DDX43: variants seen among roughly 807,000 people sequenced by gnomAD.
DDX43 encodes the protein DEAD-box helicase 43, also known as probable ATP-dependent RNA helicase DDX43.
Under a neutral mutation model 84.9 loss-of-function variants are expected in DDX43, and 50 were observed. That is an observed-to-expected ratio of 0.59 (90% CI 0.47 to 0.75). DDX43 has a LOEUF of 0.75. Among genes scored for constraint, DDX43 ranks in the 30% least tolerant of loss-of-function variants. The pLI is 0.00. For missense variants in DDX43, 689 were observed against 798.6 expected (o/e 0.86, Z 1.65); for synonymous variants, 291 against 266.3 (o/e 1.09, Z -0.90).
intron 10 of DDX43, among the ~76,000 whole-genome samples, chr6:73,411,175 C>CAAAAA (rs34679802): frequency 1.2e-4 from 6 of 49,296 alleles, no homozygotes; most frequent in African/African-American, 1.3e-4. Context: ...GACTCCATCT[C>CAAAAA]AAAAAAAAAA....
intron 5 of DDX43, among the ~76,000 whole-genome samples, chr6:73,405,313 C>T (rs1003024205): frequency 6.6e-6 from 1 of 152,102 alleles, no homozygotes; most frequent in Non-Finnish European, 1.5e-5. Flanking sequence ...AGAATACTTC[C>T]TAACACATAG....
chr6:73,412,719 GATATAT>G (rs1243836842), intron 11 of DDX43, among the ~76,000 whole-genome samples: 1 of 96,486 alleles, frequency 1.0e-5, no homozygotes, highest in African/African-American at 3.6e-5. Flanking sequence ...ATGTGCAAGT[GATATAT>G]AGCGTGTGTG....
chr6:73,398,000 C>CG (rs1769504812), intron 2 of DDX43: 1 of 277,576 alleles, frequency 3.6e-6, no homozygotes, highest in Non-Finnish European at 6.7e-6. Flanking sequence ...TTAGTAGAGA[C>CG]GGGGTTTTAC....
Position 73,395,141 on chromosome 6 carries a change from T to C in DDX43, c.236T>C (p.Val79Ala). The C allele has an allele frequency of 1.9e-6, 3 of 1,612,952 alleles. No homozygotes were observed. The highest frequency in any genetic ancestry group is 2.5e-6 in the Non-Finnish European group (3 of 1,179,438). Residue 79 changes from valine to alanine, a missense_variant, in exon 1 of 17, where the codon GTT becomes GCT. Coordinates refer to ENST00000370336, the MANE Select transcript of DDX43 (RefSeq NM_018665.3). The part of the protein sequence containing the change: ...PLCFALKSHF[V>A]GAVIGRGGSK... Reference sequence around the variant, plus strand: ...TGTTTTGCTTTGAAGAGCCACTTTGTTGGCGCGGTAATCGGTGAGAATGGG... The same window carrying C: ...TGTTTTGCTTTGAAGAGCCACTTTGCTGGCGCGGTAATCGGTGAGAATGGG...
Position 73,412,345 on chromosome 6 carries a change from A to T in DDX43, c.1368+53A>T. 2.0e-6 allele frequency: 3 copies of T among 1,523,176 alleles called. No individual in the cohort carries two copies. In the South Asian group the frequency reaches 3.5e-5, roughly 18 times the overall value. The allele number at this position is 1,523,176 out of a possible 1,614,324, so 94.4% of individuals were successfully genotyped here. ...AACATTTCTTATGAAAATTCTGAAG[A>T]TAGCTAATTTTGGTGTGCCTAGTCT... On this transcript the variant is annotated intron_variant, in intron 11 of 16. Transcript: ENST00000370336.
intron 4 of DDX43, 138 bp downstream of exon 4, chr6:73,402,128 C>A (rs917397405): frequency 1.9e-6 from 2 of 1,077,558 alleles, no homozygotes; most frequent in Non-Finnish European, 2.7e-6. Context: ...CAATTAGTCC[C>A]TAGGTTATGA....
In DDX43 at chr6:73,411,268, A is replaced by G. The variant is rs1464182293; in HGVS notation, c.1281-937A>G. Among the ~76,000 whole-genome samples the G allele has an allele frequency of 2.7e-5, 4 of 149,202 alleles. No individual in the cohort carries two copies. The East Asian group carries it at 7.9e-4, about 29-fold the overall frequency. ...AAAAATTGGAATTTTTTTGTCGTTT[A>G]TAAAGGCCAGGAGATAAAATTAACC... On this transcript the variant is annotated intron_variant, in intron 10 of 16. Transcript: ENST00000370336.
At chr6:73,406,542 A>AT (rs1769687786) in intron 7 of DDX43, 60 bp downstream of exon 7, 9 of 1,096,724 alleles carry the variant, frequency 8.2e-6, no homozygotes, top group Admixed American at 2.0e-5. Flanking sequence ...GATATCAAAA[A>AT]TGTAATTAAA....
In DDX43 at chr6:73,407,949, T is replaced by G; in HGVS notation, c.1038-11T>G. 1 of 1,606,306 alleles carries G rather than the reference T, an allele frequency of 6.2e-7. No homozygotes were observed. The highest frequency in any genetic ancestry group is 8.5e-7 in the Non-Finnish European group (1 of 1,176,384). ...GCCTAAACATTAACCTTTAGATTTT[T>G]TCTTTTTAAGTGTTTGTGTATATGG... On this transcript the variant is annotated splice_polypyrimidine_tract_variant and intron_variant, in intron 8 of 16. Transcript: ENST00000370336.
intron 7 of DDX43, 75 bp downstream of exon 7, chr6:73,406,557 C>A: frequency 1.1e-6 from 1 of 933,686 alleles, no homozygotes; most frequent in Non-Finnish European, 1.7e-6. Flanking sequence ...ATTAAAGTTT[C>A]TTTACCTATT....
Position 73,395,003 on chromosome 6 carries a change from A to C in DDX43, c.98A>C (p.Glu33Ala). 1 of 1,614,210 alleles carries C rather than the reference A, an allele frequency of 6.2e-7. No individual in the cohort carries two copies. The highest frequency in any genetic ancestry group is 8.5e-7 in the Non-Finnish European group (1 of 1,180,008). ...CGAGCGCCAGAGAGGAGGCCGGCGG[A>C]GGAGTTGAATCGAACAGGTCCTGAG... Reference protein sequence around the residue: ...VSRAPERRPAEELNRTGPEGY... With the variant: ...VSRAPERRPAAELNRTGPEGY... The change falls in exon 1 of 17, where the codon GAG becomes GCG. Residue 33 changes from glutamate (E) to alanine (A), a missense_variant. Glu to Ala is a moderately radical substitution (Grantham distance 107, BLOSUM62 -1). Around this residue, in one of 2 missense-constraint regions of DDX43, gnomAD observed 137 missense variants for 105.9 expected, o/e 1.29. Coordinates refer to ENST00000370336, the MANE Select transcript of DDX43 (RefSeq NM_018665.3).
At chr6:73,409,484 G>T (rs879811133) in intron 10 of DDX43, 136 bp downstream of exon 10, 5 of 714,614 alleles carry the variant, frequency 7.0e-6, no homozygotes, top group Non-Finnish European at 1.2e-5. Context: ...CATAACATTG[G>T]AAGTAGAACA....
chr6:73,414,072 T>A lies in DDX43; in HGVS notation c.1599T>A (p.Phe533Leu). The change falls in exon 13 of 17, where the codon TTT becomes TTA. Residue 533 changes from phenylalanine (F) to leucine (L), a missense_variant. Phe to Leu is a conservative substitution (Grantham distance 22). Transcript: ENST00000370336. ...ATCGGGAGAAAGCATTAGAGAACTT[T>A]AAAACAGGTATGTTTATGTAATTAG... ...QRDREKALEN[F>L]KTGKVRILIA... The A allele has an allele frequency of 6.4e-7, 1 of 1,573,580 alleles. No homozygotes were observed. Among genetic ancestry groups the A allele is most frequent in the Non-Finnish European group, 8.7e-7 (1 of 1,143,210 alleles).
At chr6:73,395,281 A>G in intron 1 of DDX43, 126 bp downstream of exon 1, 2 of 1,222,058 alleles carry the variant, frequency 1.6e-6, no homozygotes, top group Admixed American at 5.5e-5. Flanking sequence ...GGTCTCTCCC[A>G]GAGCTATTTG....
intron 2 of DDX43, 85 bp downstream of exon 2, chr6:73,397,829 GC>G: frequency 8.1e-7 from 1 of 1,232,286 alleles, no homozygotes; most frequent in Non-Finnish European, 1.2e-6. Flanking sequence ...TTTTAAGACA[GC>G]CTCATTCTGT....
Position 73,417,314 on chromosome 6 carries a change from ACTTT to A in DDX43, c.*158_*161del. 1 of 152,272 alleles carries A rather than the reference ACTTT, an allele frequency of 6.6e-6. No homozygotes were observed. The highest frequency in any genetic ancestry group is 1.5e-5 in the Non-Finnish European group (1 of 68,008). The allele number at this position is 152,272 out of a possible 1,614,324, so 9.4% of individuals were successfully genotyped here. On this transcript the variant is annotated 3_prime_UTR_variant, in exon 17 of 17. Coordinates refer to ENST00000370336, the MANE Select transcript of DDX43 (RefSeq NM_018665.3). ...GAAAATATAGAATCCAGTGTTTTAT[ACTTT>A]CTTTAATAAAAATAGAAGTATTTAA...
intron 2 of DDX43, among the ~76,000 whole-genome samples, chr6:73,398,722 T>C (rs1769517298): frequency 6.6e-6 from 1 of 152,238 alleles, no homozygotes; most frequent in Non-Finnish European, 1.5e-5. Context: ...TGGCTAGCTC[T>C]TGTATTCTCA....
intron 6 of DDX43, among the ~76,000 whole-genome samples, 159 bp downstream of exon 6, chr6:73,405,994 G>C (rs1769672023): frequency 6.6e-6 from 1 of 150,860 alleles, no homozygotes; most frequent in South Asian, 2.1e-4. Context: ...TTGGAGCTGG[G>C]AAAGAAGGAA....
intron 3 of DDX43, among the ~76,000 whole-genome samples, chr6:73,401,264 T>C (rs1341349295): frequency 6.6e-6 from 1 of 152,304 alleles, no homozygotes; most frequent in East Asian, 1.9e-4. Context: ...AGGAGTGAGC[T>C]ACCAAGCCTG....
Sources: allele counts gnomAD v4.1 joint callset (sites outside exome capture counted in the v4.1 genomes callset), GRCh38; gene constraint gnomAD v4.1.1; regional missense constraint gnomAD v4.1.1; transcripts MANE v1.5; gene names NCBI Gene and HGNC (gene_info 2026-07-23, HGNC 2026-07-21).